Variants in NRG1 observed in about 807,000 individuals in gnomAD.
NRG1 encodes the protein pro-neuregulin-1, membrane-bound isoform.
In NRG1, 18 loss-of-function variants were observed where a neutral mutation model predicts 63.8. That is an observed-to-expected ratio of 0.28 (90% CI 0.19 to 0.42). The LOEUF is 0.42. NRG1 is among the 10% of genes least tolerant of loss of function. The probability of loss-of-function intolerance (pLI) is 1.00; values close to 1 mark genes in which losing one functional copy is unlikely to be tolerated. For missense variants in NRG1, 762 were observed against 814.7 expected (o/e 0.94, Z 0.79); for synonymous variants, 302 against 301.3 (o/e 1.00, Z -0.02).
intron 1 of NRG1, among the ~76,000 whole-genome samples, chr8:32,572,852 AAT>A (rs1838869701): frequency 6.6e-6 from 1 of 152,172 alleles, no homozygotes; most frequent in Non-Finnish European, 1.5e-5. Context: ...CAAAGAAGGA[AAT>A]CATCATCAAA....
intron 1 of NRG1, among the ~76,000 whole-genome samples, chr8:32,282,794 T>C (rs1028534781): frequency 1.3e-5 from 2 of 152,236 alleles, no homozygotes; most frequent in Non-Finnish European, 2.9e-5. Flanking sequence ...TAATTCCTAC[T>C]TATTTAAGAA....
chr8:32,517,552 G>A (rs1016463436), intron 1 of NRG1, among the ~76,000 whole-genome samples: 11 of 152,110 alleles, frequency 7.2e-5, no homozygotes, highest in African/African-American at 2.7e-4. Flanking sequence ...ATGTGTTGGT[G>A]AAAACTGCCT....
intron 1 of NRG1, among the ~76,000 whole-genome samples, chr8:32,588,863 T>C (rs192995431): frequency 2.0e-4 from 30 of 152,286 alleles, no homozygotes; most frequent in Admixed American, 1.6e-3. Context: ...TCCTCCTTCC[T>C]CAGTAGTCAG....
chr8:31,810,001 C>T (rs1215545479), intron 1 of NRG1, among the ~76,000 whole-genome samples: 1 of 152,006 alleles, frequency 6.6e-6, no homozygotes, highest in Non-Finnish European at 1.5e-5. Flanking sequence ...GATGGGTCTG[C>T]TCCTTCCCTA....
intron 1 of NRG1, among the ~76,000 whole-genome samples, chr8:32,287,890 T>G (rs2129473788): frequency 6.6e-6 from 1 of 152,328 alleles, no homozygotes; most frequent in South Asian, 2.1e-4. Flanking sequence ...CATCCACTGA[T>G]CATGTCTAAA....
At chr8:32,372,987 C>A (rs1809120349) in intron 1 of NRG1, among the ~76,000 whole-genome samples, 5 of 152,090 alleles carry the variant, frequency 3.3e-5, no homozygotes, top group African/African-American at 1.2e-4. Context: ...GGCTTTTTAG[C>A]AAATAGGAAG....
intron 5 of NRG1, among the ~76,000 whole-genome samples, chr8:32,669,646 T>C (rs1805113252): frequency 6.6e-6 from 1 of 152,202 alleles, no homozygotes; most frequent in African/African-American, 2.4e-5. Context: ...GTGGATTTCT[T>C]TGAAACAAGA....
At chr8:31,999,506 T>C (rs1812577941) in intron 1 of NRG1, among the ~76,000 whole-genome samples, 1 of 152,030 alleles carries the variant, frequency 6.6e-6, no homozygotes, top group South Asian at 2.1e-4. Context: ...TCATGTAATA[T>C]GCCCGGCATT....
intron 1 of NRG1, among the ~76,000 whole-genome samples, chr8:32,478,895 T>G (rs769263519): frequency 6.6e-6 from 1 of 152,224 alleles, no homozygotes; most frequent in African/African-American, 2.4e-5. Context: ...GCAAAGAGTA[T>G]AATTGAATTT....
At chr8:32,764,116 G>C in exon 12 of NRG1, 1 of 1,614,018 alleles carries the variant, frequency 6.2e-7, no homozygotes, top group South Asian at 1.1e-5. Flanking sequence ...AATAGCCGGC[G>C]GGCCAAAAGA....
chr8:32,761,810 G>A (rs1195724650), intron 11 of NRG1, among the ~76,000 whole-genome samples: 3 of 151,832 alleles, frequency 2.0e-5, no homozygotes, highest in East Asian at 1.9e-4. Context: ...GGAGGCTGAG[G>A]TGGGTAGATC....
chr8:31,730,561 A>C (rs549319192), intron 1 of NRG1, among the ~76,000 whole-genome samples: 2 of 152,326 alleles, frequency 1.3e-5, no homozygotes, highest in East Asian at 3.9e-4. Flanking sequence ...ACAATTTGCT[A>C]TCAATTTGGC....
At chr8:32,375,827 T>C (rs1399976345) in intron 1 of NRG1, among the ~76,000 whole-genome samples, 1 of 152,190 alleles carries the variant, frequency 6.6e-6, no homozygotes, top group Non-Finnish European at 1.5e-5. Context: ...TGTAAGGGAC[T>C]TTCCACCACA....
intron 1 of NRG1, among the ~76,000 whole-genome samples, chr8:32,120,176 C>T (rs1833251464): frequency 6.6e-6 from 1 of 152,066 alleles, no homozygotes; most frequent in African/African-American, 2.4e-5. Flanking sequence ...CTGTTTAAAA[C>T]ACACATGCCT....
intron 1 of NRG1, among the ~76,000 whole-genome samples, chr8:32,462,595 C>CTTTTTTTTTTT (rs58485445): frequency 4.2e-5 from 3 of 72,276 alleles, no homozygotes; most frequent in East Asian, 4.5e-4. Flanking sequence ...CACACTGATT[C>CTTTTTTTTTTT]TTTTTTTTTT....
chr8:31,996,068 T>G (rs905493547), intron 1 of NRG1, among the ~76,000 whole-genome samples: 1 of 151,804 alleles, frequency 6.6e-6, no homozygotes, highest in Non-Finnish European at 1.5e-5. Context: ...TCATCAAGTA[T>G]GCAGTCCTTT....
intron 1 of NRG1, among the ~76,000 whole-genome samples, chr8:31,852,713 G>C (rs951807192): frequency 6.6e-6 from 1 of 152,088 alleles, no homozygotes; most frequent in African/African-American, 2.4e-5. Context: ...GTAATGCCTA[G>C]GTTTTCTTCT....
intron 1 of NRG1, among the ~76,000 whole-genome samples, chr8:32,128,934 C>A (rs1304559054): frequency 6.6e-6 from 1 of 151,852 alleles, no homozygotes; most frequent in Non-Finnish European, 1.5e-5. Context: ...AAACAAGCTT[C>A]CCCCATTCCT....
At chr8:32,413,172 C>T (rs561379984) in intron 1 of NRG1, among the ~76,000 whole-genome samples, 5 of 152,190 alleles carry the variant, frequency 3.3e-5, no homozygotes, top group South Asian at 2.1e-4. Flanking sequence ...TCAAATATAT[C>T]GCAAAACATT....
Sources: allele counts gnomAD v4.1 joint callset (sites outside exome capture counted in the v4.1 genomes callset), GRCh38; gene constraint gnomAD v4.1.1; transcripts MANE v1.5; gene names NCBI Gene and HGNC (gene_info 2026-07-23, HGNC 2026-07-21).